The following BLOC1S3 variants were observed in gnomAD, a reference collection of about 807,000 sequenced individuals.
The protein encoded by BLOC1S3 is biogenesis of lysosomal organelles complex 1 subunit 3, also known as biogenesis of lysosome-related organelles complex 1 subunit 3.
BLOC1S3 carries 7 observed loss-of-function variants against 9.1 expected under a neutral mutation model. The observed-to-expected ratio is 0.77, with a 90% CI of 0.44 to 1.45. The LOEUF (loss-of-function observed/expected upper bound fraction) is 1.45. Among genes scored for constraint, BLOC1S3 ranks in the 40% most tolerant of loss-of-function variants. BLOC1S3 has a pLI of 0.01. For missense variants in BLOC1S3, 307 were observed against 315.2 expected (o/e 0.97, Z 0.20); for synonymous variants, 145 against 158.4 (o/e 0.92, Z 0.64).
chr19:45,190,166 T>C (rs1419851026), intron 2 of BLOC1S3, among the ~76,000 whole-genome samples: 1 of 151,636 alleles, frequency 6.6e-6, no homozygotes. Flanking sequence ...TTTTTTCTTC[T>C]GCTTGATTAA....
intron 3 of BLOC1S3, among the ~76,000 whole-genome samples, chr19:45,203,661 CCT>C (rs1237432055): frequency 1.3e-5 from 2 of 152,068 alleles, no homozygotes; most frequent in Non-Finnish European, 2.9e-5. Flanking sequence ...AGATGATTTC[CCT>C]CTGTCTAATG....
chr19:45,210,447 C>T (rs996379502), intron 3 of BLOC1S3, among the ~76,000 whole-genome samples: 3 of 151,242 alleles, frequency 2.0e-5, no homozygotes, highest in African/African-American at 4.9e-5. Flanking sequence ...ATTATAGATG[C>T]GCCACCACGC....
intron 3 of BLOC1S3, among the ~76,000 whole-genome samples, chr19:45,207,280 C>G (rs1487154705): frequency 6.6e-6 from 1 of 151,220 alleles, no homozygotes; most frequent in Non-Finnish European, 1.5e-5. Context: ...CTACAGGTGC[C>G]CGACACCAAG....
intron 3 of BLOC1S3, among the ~76,000 whole-genome samples, chr19:45,206,313 C>T (rs1298944055): frequency 7.0e-6 from 1 of 143,512 alleles, no homozygotes; most frequent in Admixed American, 7.3e-5. Flanking sequence ...GTTGAAATCC[C>T]GTCATTGCAC....
intron 3 of BLOC1S3, among the ~76,000 whole-genome samples, chr19:45,207,555 C>CAAAAAAAAAA (rs58164218): frequency 1.5e-5 from 1 of 64,748 alleles, no homozygotes; most frequent in Admixed American, 1.7e-4. Flanking sequence ...GACTCTGTCT[C>CAAAAAAAAAA]AAAAAAAAAA....
chr19:45,193,744 T>C (rs1384713900), intron 2 of BLOC1S3, among the ~76,000 whole-genome samples: 2 of 148,446 alleles, frequency 1.3e-5, no homozygotes. Context: ...AAAATGTGTA[T>C]TCCTTTTGCT....
chr19:45,179,563 G>GGCGGAGGAGGCCTGGGGC lies in BLOC1S3; in HGVS notation c.268_285dup (p.Ala90_Gly95dup), dbSNP rs1333339967. The GGCGGAGGAGGCCTGGGGC allele has an allele frequency of 2.0e-6, 3 of 1,516,812 alleles. No individual in the cohort carries two copies. The South Asian group carries it at 3.7e-5, about 18-fold the overall frequency. The allele number at this position is 1,516,812 out of a possible 1,614,324, so 94.0% of individuals were successfully genotyped here. ...CTCCACTCGTGGTGCAGCGGGAATCGGCGGAGGAGGCCTGGGGCACGGAGG... is the reference window on the plus strand; with the variant it reads ...CTCCACTCGTGGTGCAGCGGGAATCGGCGGAGGAGGCCTGGGGCGCGGAGGAGGCCTGGGGCACGGAGG... On this transcript the variant is annotated inframe_insertion, in exon 2 of 2. Coordinates refer to ENST00000433642, the MANE Select transcript of BLOC1S3 (RefSeq NM_212550.5). The surrounding 1 kb of genome is among the most constrained non-coding windows in gnomAD (Gnocchi z 4.6).
intron 2 of BLOC1S3, among the ~76,000 whole-genome samples, chr19:45,194,102 CTTTTTT>C (rs34470523): frequency 1.1e-4 from 5 of 45,104 alleles, no homozygotes; most frequent in South Asian, 7.9e-4. Context: ...CGCGCCTGGC[CTTTTTT>C]TTTTTTTTTT....
At chr19:45,197,761 G>T (rs1202873529) in intron 2 of BLOC1S3, among the ~76,000 whole-genome samples, 5 of 146,234 alleles carry the variant, frequency 3.4e-5, no homozygotes, top group African/African-American at 1.3e-4. Flanking sequence ...GGAGATGGTG[G>T]TTGCAGTGAC....
At chr19:45,210,106 C>G (rs894423499) in intron 3 of BLOC1S3, among the ~76,000 whole-genome samples, 1 of 151,862 alleles carries the variant, frequency 6.6e-6, no homozygotes, top group Non-Finnish European at 1.5e-5. Flanking sequence ...CAAAAGACTA[C>G]GTTATGTATT....
rs530109127 is a variant in BLOC1S3 at position 45,213,107 on chromosome 19, G to A, written n.283-3569G>A. The A allele has an allele frequency of 5.9e-5, 91 of 1,538,464 alleles. No homozygotes were observed. The highest frequency in any genetic ancestry group is 4.0e-4 in the Middle Eastern group (2 of 5,012). ...CGAGGTCGCGCTAGAGACGGAGGCC[G>A]GGGCCGAGGCAGACAGGCCAAACTG... On this transcript the variant is annotated intron_variant and non_coding_transcript_variant, in intron 3 of 3. Transcript: ENST00000591569.
chr19:45,215,061 T>A (rs1969819161), intron 3 of BLOC1S3, among the ~76,000 whole-genome samples: 2 of 151,834 alleles, frequency 1.3e-5, no homozygotes, highest in Admixed American at 1.3e-4. Context: ...CACAATAATC[T>A]CTTGAACCCG....
downstream of BLOC1S3, among the ~76,000 whole-genome samples, chr19:45,182,647 G>A (rs1421881350): frequency 2.0e-5 from 3 of 152,138 alleles, no homozygotes; most frequent in Non-Finnish European, 2.9e-5. Context: ...CTGGGTGAGA[G>A]TGAGACTCCA....
chr19:45,188,938 G>A (rs1969585501), intron 2 of BLOC1S3, among the ~76,000 whole-genome samples: 1 of 151,788 alleles, frequency 6.6e-6, no homozygotes, highest in Non-Finnish European at 1.5e-5. Context: ...GCAGTGGCGT[G>A]ATCTCTGCTC....
Position 45,179,105 on chromosome 19 carries a change from G to T in BLOC1S3, c.-9-183G>T, listed in dbSNP as rs1403100165. On this transcript the variant is annotated intron_variant, in intron 1 of 1. Transcript: ENST00000433642. This position sits in a 1 kb window ranked among gnomAD's most constrained non-coding sequence, Gnocchi z 4.6. Reference sequence around the variant, plus strand: ...AGTTTCCCCATCTGTACGCTGAAGAGCCTGGGGTCCAGTAACCCCCATCAT... The same window carrying T: ...AGTTTCCCCATCTGTACGCTGAAGATCCTGGGGTCCAGTAACCCCCATCAT... 7 of 588,350 alleles carry T rather than the reference G, an allele frequency of 1.2e-5. No individual in the cohort carries two copies. Among genetic ancestry groups the T allele is most frequent in the African/African-American group, 2.0e-5 (1 of 50,862 alleles). The allele number at this position is 588,350 out of a possible 1,614,324, so 36.4% of individuals were successfully genotyped here. A position where few individuals can be genotyped will look rare whatever the true frequency, so the allele number is the denominator to read the frequency against.
chr19:45,205,619 A>G (rs898436921), intron 3 of BLOC1S3, among the ~76,000 whole-genome samples: 23 of 152,226 alleles, frequency 1.5e-4, no homozygotes, highest in African/African-American at 5.5e-4. Context: ...AAGCATGATC[A>G]TAAGAGAAAA....
chr19:45,191,271 C>G (rs1201167437), intron 2 of BLOC1S3, among the ~76,000 whole-genome samples: 1 of 151,886 alleles, frequency 6.6e-6, no homozygotes, highest in Non-Finnish European at 1.5e-5. Flanking sequence ...TACAGGCATG[C>G]ACCACCACGC....
chr19:45,213,078 G>C (rs772113746), intron 3 of BLOC1S3: 1 of 1,497,984 alleles, frequency 6.7e-7, no homozygotes, highest in African/African-American at 1.4e-5. Context: ...CTCAGCGCTG[G>C]GCCCGAGGTC....
At chr19:45,191,601 C>T (rs554749324) in intron 2 of BLOC1S3, among the ~76,000 whole-genome samples, 4 of 152,308 alleles carry the variant, frequency 2.6e-5, no homozygotes, top group African/African-American at 4.8e-5. Flanking sequence ...TTTTGTGTTG[C>T]GATCTAAGTC....
Sources: allele counts gnomAD v4.1 joint callset (sites outside exome capture counted in the v4.1 genomes callset), GRCh38; gene constraint gnomAD v4.1.1; non-coding constraint Gnocchi (gnomAD v3.1); transcripts MANE v1.5; gene names NCBI Gene and HGNC (gene_info 2026-07-23, HGNC 2026-07-21).